The following ADCY3 variants were observed in gnomAD, a reference collection of about 807,000 sequenced individuals.
ADCY3 encodes the protein adenylate cyclase 3, also known as adenylate cyclase type 3.
A neutral mutation model predicts 119.4 loss-of-function variants in ADCY3; 70 were observed. The observed-to-expected ratio is 0.59, with a 90% CI of 0.48 to 0.72. ADCY3 has a LOEUF of 0.72. Ranked by LOEUF, ADCY3 falls within the 30% of genes least tolerant of loss-of-function variation. The probability of loss-of-function intolerance (pLI) is 0.00; values close to 1 mark genes in which losing one functional copy is unlikely to be tolerated. For synonymous variants in ADCY3, 672 were observed against 621.4 expected (o/e 1.08, Z -1.21); for missense variants, 1,238 against 1,541.6 (o/e 0.80, Z 3.30).
rs983836313 is a variant in ADCY3, at chr2:24,824,353, T to C, written c.2736+25A>G. ...AGATGGAGACAAATGGCCTCATGGT[T>C]CCGGGCTGAGACCACACCCCTCACC... On this transcript the variant is annotated intron_variant, in intron 17 of 21. Coordinates refer to ENST00000679454, the MANE Select transcript of ADCY3 (RefSeq NM_004036.5). The C allele has an allele frequency of 1.9e-6, 3 of 1,611,618 alleles. No individual in the cohort carries two copies. The African/African-American group carries it at 4.0e-5, about 22-fold the overall frequency.
intron 2 of ADCY3, among the ~76,000 whole-genome samples, chr2:24,884,310 A>ACT (rs1406161687): frequency 1.1e-4 from 17 of 152,196 alleles, no homozygotes; most frequent in African/African-American, 4.1e-4. Flanking sequence ...CTTCTACAGA[A>ACT]TCACTGTTCA....
chr2:24,866,564 C>CAA (rs71397449), intron 3 of ADCY3, among the ~76,000 whole-genome samples: 3,556 of 45,978 alleles, frequency 0.077, 339 homozygotes, highest in African/African-American at 0.18. Context: ...GACCCTGTCT[C>CAA]AAAAAAAAAA....
At chr2:24,896,553 T>C (rs1218391481) in intron 2 of ADCY3, among the ~76,000 whole-genome samples, 1 of 152,142 alleles carries the variant, frequency 6.6e-6, no homozygotes, top group Admixed American at 6.5e-5. Context: ...ACGTTACCAT[T>C]TTTCAATGCA....
At chr2:24,852,584 C>T (rs1053892036) in intron 3 of ADCY3, among the ~76,000 whole-genome samples, 13 of 152,250 alleles carry the variant, frequency 8.5e-5, no homozygotes, top group Non-Finnish European at 1.8e-4. Flanking sequence ...TGAGTGGCCA[C>T]CGTGTACTCA....
intron 9 of ADCY3, among the ~76,000 whole-genome samples, chr2:24,835,234 A>C (rs574209456): frequency 3.7e-4 from 56 of 151,600 alleles, no homozygotes; most frequent in African/African-American, 1.3e-3. Context: ...GCTCCTGAGC[A>C]GGAGACCTGT....
chr2:24,895,628 C>CT lies in ADCY3; in HGVS notation c.675+22684dup, dbSNP rs921200012. 2.6e-3 allele frequency among the ~76,000 whole-genome samples: 380 copies of CT among 145,892 alleles called. 2 individuals carry two copies. The highest frequency in any genetic ancestry group is 7.0e-3 in the Middle Eastern group (2 of 284). ...CAATGTTTTTTCTTTCTTTCTTCTT[C>CT]TTTTTTTTTTTCTTTTGAGACAGGG... On this transcript the variant is annotated intron_variant, in intron 2 of 21. Coordinates refer to ENST00000679454, the MANE Select transcript of ADCY3 (RefSeq NM_004036.5).
At chr2:24,902,088 T>G (rs1486690920) in intron 2 of ADCY3, among the ~76,000 whole-genome samples, 2 of 147,586 alleles carry the variant, frequency 1.4e-5, no homozygotes, top group African/African-American at 2.5e-5. Flanking sequence ...TTGGTTTTTT[T>G]TTTTTTTTTT....
Position 24,920,200 on chromosome 2 carries a change from C to T in ADCY3, c.-715G>A, listed in dbSNP as rs1413521209. On this transcript the variant is annotated 5_prime_UTR_variant, in exon 1 of 22. Coordinates refer to ENST00000679454, the MANE Select transcript of ADCY3 (RefSeq NM_004036.5). The surrounding 1 kb of genome is among the most constrained non-coding windows in gnomAD (Gnocchi z 4.5). ...GGCTCGGCGTGCTGCACAGCTATTC[C>T]CCGCGCGGCGCCGGCGGCTCCGGGG... Among the ~76,000 whole-genome samples the T allele has an allele frequency of 1.4e-5, 2 of 146,274 alleles. No individual in the cohort carries two copies. The highest frequency in any genetic ancestry group is 4.9e-5 in the African/African-American group (2 of 40,710).
At chr2:24,837,952 C>T (rs1183465012) in intron 8 of ADCY3, among the ~76,000 whole-genome samples, 3 of 152,010 alleles carry the variant, frequency 2.0e-5, no homozygotes, top group Admixed American at 6.6e-5. Context: ...CCAGGGAAGC[C>T]GAAAGATTAG....
chr2:24,885,781 C>A (rs10195271), intron 2 of ADCY3, among the ~76,000 whole-genome samples: 48,648 of 151,960 alleles, frequency 0.32, 7,983 homozygotes, highest in South Asian at 0.39. Context: ...TCCAAGAGTT[C>A]AAAATCTTCA....
intron 3 of ADCY3, among the ~76,000 whole-genome samples, chr2:24,865,211 G>A (rs1053170630): frequency 2.6e-5 from 4 of 152,076 alleles, no homozygotes; most frequent in Non-Finnish European, 1.5e-5. Flanking sequence ...TTGGGAGGCC[G>A]AGGCGGGCAG....
At chr2:24,825,403 C>CA (rs1356947115) in intron 16 of ADCY3, among the ~76,000 whole-genome samples, 1 of 142,550 alleles carries the variant, frequency 7.0e-6, no homozygotes, top group East Asian at 2.0e-4. Flanking sequence ...GGTGTGATCT[C>CA]AGCTTACTAC....
At chr2:24,907,374 C>T (rs933744037) in intron 2 of ADCY3, among the ~76,000 whole-genome samples, 19 of 152,096 alleles carry the variant, frequency 1.2e-4, no homozygotes, top group African/African-American at 4.3e-4. Context: ...CAAGTCCAGT[C>T]GCTTATGTTG....
intron 2 of ADCY3, among the ~76,000 whole-genome samples, chr2:24,910,204 C>CT (rs1186854742): frequency 6.6e-6 from 1 of 152,124 alleles, no homozygotes; most frequent in African/African-American, 2.4e-5. Flanking sequence ...AACTGTCATT[C>CT]TTTTTTTATT....
intron 7 of ADCY3, 65 bp from the exon 8 acceptor site, chr2:24,838,687 G>T: frequency 6.2e-7 from 1 of 1,602,578 alleles, no homozygotes; most frequent in Non-Finnish European, 8.5e-7. Flanking sequence ...CCAGGGGACA[G>T]TCCACGGACC....
chr2:24,860,443 C>T (rs983576488), intron 3 of ADCY3, among the ~76,000 whole-genome samples: 3 of 152,222 alleles, frequency 2.0e-5, no homozygotes, highest in Non-Finnish European at 4.4e-5. Context: ...GATATGTGTT[C>T]GGCAGAGGCA....
At chr2:24,879,980 C>CA (rs1481662450) in intron 2 of ADCY3, among the ~76,000 whole-genome samples, 3 of 152,170 alleles carry the variant, frequency 2.0e-5, no homozygotes, top group Non-Finnish European at 4.4e-5. Context: ...CATCGCTGCA[C>CA]CAAGAGAGAC....
chr2:24,879,524 CCT>C (rs911850010), intron 2 of ADCY3, among the ~76,000 whole-genome samples: 4 of 151,580 alleles, frequency 2.6e-5, no homozygotes, highest in Non-Finnish European at 4.4e-5. Context: ...ACAAAATACC[CCT>C]TTCATGACTT....
chr2:24,824,655 G>C, intron 16 of ADCY3, 119 bp from the exon 17 acceptor site: 2 of 1,074,354 alleles, frequency 1.9e-6, no homozygotes, highest in East Asian at 2.6e-5. Context: ...TTGGGAGGCC[G>C]AGGCAGGCGG....
Sources: gnomAD v4.1 joint callset for allele counts (sites outside exome capture counted in the v4.1 genomes callset) on GRCh38, gnomAD v4.1.1 for gene constraint, Gnocchi (gnomAD v3.1) non-coding constraint, MANE v1.5 for transcripts, NCBI Gene and HGNC (gene_info 2026-07-23, HGNC 2026-07-21) for gene names.